PTPRN2: variants seen among roughly 807,000 people sequenced by gnomAD.
PTPRN2 encodes the protein protein tyrosine phosphatase receptor type N2, also known as receptor-type tyrosine-protein phosphatase N2.
A neutral mutation model predicts 118.8 loss-of-function variants in PTPRN2; 74 were observed. That is an observed-to-expected ratio of 0.62 (90% CI 0.52 to 0.76). The LOEUF (loss-of-function observed/expected upper bound fraction) is 0.76, where lower values mean the gene tolerates loss of function less well. Among genes scored for constraint, PTPRN2 ranks in the 30% least tolerant of loss-of-function variants. The pLI is 0.00. For synonymous variants in PTPRN2, 641 were observed against 608.0 expected (o/e 1.05, Z -0.80); for missense variants, 1,481 against 1,394.4 (o/e 1.06, Z -0.99).
intron 2 of PTPRN2, among the ~76,000 whole-genome samples, chr7:158,405,928 G>A (rs746739674): frequency 1.4e-5 from 2 of 146,730 alleles, no homozygotes; most frequent in African/African-American, 5.2e-5. Flanking sequence ...ACACGTGGCC[G>A]CACACTGAGA....
intron 6 of PTPRN2, among the ~76,000 whole-genome samples, chr7:158,164,387 G>A (rs1412348799): frequency 2.8e-5 from 1 of 35,388 alleles, no homozygotes; most frequent in East Asian, 1.6e-3. Flanking sequence ...TGCGTAGGAA[G>A]GACACGCAGA....
chr7:158,429,274 C>T (rs1383127287), intron 2 of PTPRN2, among the ~76,000 whole-genome samples: 1 of 152,200 alleles, frequency 6.6e-6, no homozygotes, highest in South Asian at 2.1e-4. Context: ...CCCACATCTC[C>T]AGGGAAGAAC....
chr7:157,794,824 T>C lies in PTPRN2; in HGVS notation c.1788+103849A>G, dbSNP rs1323258553. Among the ~76,000 whole-genome samples, 2 of 152,228 alleles carry C rather than the reference T, an allele frequency of 1.3e-5. No homozygotes were observed. Among genetic ancestry groups the C allele is most frequent in the Non-Finnish European group, 2.9e-5 (2 of 68,042 alleles). On this transcript the variant is annotated intron_variant, in intron 12 of 22. Coordinates refer to ENST00000389418, the MANE Select transcript of PTPRN2 (RefSeq NM_002847.5). The surrounding 1 kb of genome is among the most constrained non-coding windows in gnomAD (Gnocchi z 5.2). The stretch of plus-strand genomic sequence containing the variant: ...TTCCAGAGGAAACCTCTTTGAAATA[T>C]CACAAGCAAAATTTAAATCACAAAA...
chr7:157,734,699 G>A (rs901546621), intron 12 of PTPRN2, among the ~76,000 whole-genome samples: 5 of 152,158 alleles, frequency 3.3e-5, no homozygotes, highest in Admixed American at 2.0e-4. Flanking sequence ...TTACATCTGG[G>A]GTCAAGCCAT....
In PTPRN2 at chr7:158,362,405, A is replaced by T. The variant is rs1030652351; in HGVS notation, c.164-45473T>A. 1.1e-4 allele frequency among the ~76,000 whole-genome samples: 17 copies of T among 152,220 alleles called. 1 individual carries two copies. The highest frequency in any genetic ancestry group is 1.1e-3 in the Admixed American group (17 of 15,290). On this transcript the variant is annotated intron_variant, in intron 2 of 22. Transcript: ENST00000389418. ...ACTCATTTACTCACAGAGAAGAAAA[A>T]TTTGACTTTATTTGTAATTAAAGAT...
At chr7:157,667,539 G>T (rs1019927272) in intron 13 of PTPRN2, among the ~76,000 whole-genome samples, 4 of 152,200 alleles carry the variant, frequency 2.6e-5, no homozygotes, top group Non-Finnish European at 5.9e-5. Context: ...TACCAAGGAG[G>T]CCAGACCCCC....
At chr7:157,894,027 G>A (rs1358860020) in intron 12 of PTPRN2, among the ~76,000 whole-genome samples, 1 of 152,216 alleles carries the variant, frequency 6.6e-6, no homozygotes, top group Admixed American at 6.5e-5. Flanking sequence ...AGCTCGTGAT[G>A]GAAGGGTTTG....
At chr7:157,620,036 T>A (rs1468448442) in intron 15 of PTPRN2, among the ~76,000 whole-genome samples, 1 of 152,162 alleles carries the variant, frequency 6.6e-6, no homozygotes, top group East Asian at 1.9e-4. Context: ...CTCTGTTGCA[T>A]CAGAGACATG....
chr7:158,388,273 C>CA (rs1811659592), intron 2 of PTPRN2, among the ~76,000 whole-genome samples: 1 of 152,140 alleles, frequency 6.6e-6, no homozygotes, highest in Non-Finnish European at 1.5e-5. Flanking sequence ...TCAATCCCGG[C>CA]ACCAAGGTCC....
chr7:157,753,391 T>C lies in PTPRN2; in HGVS notation c.1789-70454A>G, dbSNP rs1280142727. On this transcript the variant is annotated intron_variant, in intron 12 of 22. Coordinates refer to ENST00000389418, the MANE Select transcript of PTPRN2 (RefSeq NM_002847.5). Reference sequence around the variant, plus strand: ...AGGAAGTGCAGTTTGGTGCAAGCTTTTCCCTTCCTGCCAGCCTCCTGTGCT... The same window carrying C: ...AGGAAGTGCAGTTTGGTGCAAGCTTCTCCCTTCCTGCCAGCCTCCTGTGCT... Among the ~76,000 whole-genome samples, 3 of 152,216 alleles carry C rather than the reference T, an allele frequency of 2.0e-5. No individual in the cohort carries two copies. The East Asian group carries it at 5.8e-4, about 30-fold the overall frequency.
At chr7:158,327,071 GCACA>G (rs1300492468) in intron 2 of PTPRN2, among the ~76,000 whole-genome samples, 4 of 145,394 alleles carry the variant, frequency 2.8e-5, no homozygotes, top group African/African-American at 1.0e-4. Context: ...GCACATACAT[GCACA>G]CATTCTCACA....
intron 11 of PTPRN2, among the ~76,000 whole-genome samples, chr7:157,912,099 A>C (rs1439010173): frequency 6.6e-6 from 1 of 152,228 alleles, no homozygotes; most frequent in East Asian, 1.9e-4. Context: ...TCTCCAGTAC[A>C]ATCACTAAGA....
intron 5 of PTPRN2, among the ~76,000 whole-genome samples, chr7:158,188,245 G>A (rs1411229510): frequency 4.4e-5 from 3 of 68,300 alleles, no homozygotes; most frequent in African/African-American, 1.6e-4. Flanking sequence ...CTTGCCCCGC[G>A]ATGGGGAAGG....
chr7:158,398,968 AT>A (rs574064918), intron 2 of PTPRN2, among the ~76,000 whole-genome samples: 5 of 152,068 alleles, frequency 3.3e-5, no homozygotes, highest in East Asian at 3.9e-4. Context: ...ACTAGTATTA[AT>A]TTTTTTTCTT....
chr7:157,621,991 T>C (rs1803281278), intron 14 of PTPRN2, among the ~76,000 whole-genome samples: 1 of 151,942 alleles, frequency 6.6e-6, no homozygotes, highest in Non-Finnish European at 1.5e-5. Flanking sequence ...CAAACACAAA[T>C]GGATGGAAGC....
intron 12 of PTPRN2, among the ~76,000 whole-genome samples, chr7:157,819,650 C>T (rs78027625): frequency 0.023 from 3,468 of 152,202 alleles, 150 homozygotes; most frequent in African/African-American, 0.079. Flanking sequence ...CCCCTACCTC[C>T]TTTTGGCAGC....
In PTPRN2 at chr7:158,279,875, C is replaced by T. The variant is rs1437627604; in HGVS notation, c.277+36944G>A. Among the ~76,000 whole-genome samples, 9 of 152,256 alleles carry T rather than the reference C, an allele frequency of 5.9e-5. 1 individual carries two copies. The South Asian group carries it at 8.3e-4, about 14-fold the overall frequency. On this transcript the variant is annotated intron_variant, in intron 3 of 22. Coordinates refer to ENST00000389418, the MANE Select transcript of PTPRN2 (RefSeq NM_002847.5). ...CCAGAGTGAGCGAGGGCTGCTAGCA[C>T]GTTATCACCTCTCAATGTGGACTTG...
intron 1 of PTPRN2, among the ~76,000 whole-genome samples, chr7:158,540,231 G>A (rs183444688): frequency 1.1e-3 from 173 of 152,324 alleles, no homozygotes; most frequent in Admixed American, 4.0e-3. Flanking sequence ...GGGCTCCCAG[G>A]AGCCTCGGGC....
intron 7 of PTPRN2, among the ~76,000 whole-genome samples, chr7:158,137,816 A>G (rs1818968594): frequency 6.6e-6 from 1 of 152,206 alleles, no homozygotes. Flanking sequence ...AGGCTGCAGA[A>G]GTCCTGGCTG....
Sources: allele counts gnomAD v4.1 joint callset (sites outside exome capture counted in the v4.1 genomes callset), GRCh38; gene constraint gnomAD v4.1.1; non-coding constraint Gnocchi (gnomAD v3.1); transcripts MANE v1.5; gene names NCBI Gene and HGNC (gene_info 2026-07-23, HGNC 2026-07-21).